DGKI: variants seen among roughly 807,000 people sequenced by gnomAD.
DGKI encodes DAG kinase iota.
DGKI carries 55 observed loss-of-function variants against 147.5 expected under a neutral mutation model. The ratio of observed to expected loss-of-function variants is 0.37; its 90% CI spans 0.30 to 0.47. DGKI has a LOEUF of 0.47. Among genes scored for constraint, DGKI ranks in the 20% least tolerant of loss-of-function variants. DGKI has a pLI of 1.00. For missense variants in DGKI, 1,007 were observed against 1,323.8 expected, an observed-to-expected ratio of 0.76 and a Z score of 3.71; for synonymous variants, 469 against 477.1, an observed-to-expected ratio of 0.98 and a Z score of 0.22.
chr7:137,689,187 C>T (rs1823522909), intron 2 of DGKI, among the ~76,000 whole-genome samples: 1 of 152,184 alleles, frequency 6.6e-6, no homozygotes. Context: ...GGCAGAACTT[C>T]AGGGAAGCCC....
intron 1 of DGKI, among the ~76,000 whole-genome samples, chr7:137,756,614 A>G (rs771936976): frequency 1.8e-4 from 28 of 152,260 alleles, no homozygotes; most frequent in Non-Finnish European, 3.4e-4. Flanking sequence ...AAACTTAGCT[A>G]GTAAACCTAG....
intron 6 of DGKI, among the ~76,000 whole-genome samples, chr7:137,642,165 C>G (rs1662785857): frequency 6.6e-6 from 1 of 152,228 alleles, no homozygotes; most frequent in African/African-American, 2.4e-5. Context: ...CTTCTCTACT[C>G]AATGACTCAT....
At chr7:137,702,344 A>C (rs1824012274) in intron 1 of DGKI, among the ~76,000 whole-genome samples, 1 of 152,190 alleles carries the variant, frequency 6.6e-6, no homozygotes, top group Non-Finnish European at 1.5e-5. Context: ...GAAGTAAAAG[A>C]CATGTCAAGC....
In DGKI at chr7:137,689,916, G is replaced by A; in HGVS notation, c.488C>T (p.Pro163Leu). The change falls in exon 2 of 33, where the codon CCC (proline) becomes CTC (leucine). Residue 163 changes from proline (P) to leucine (L), a missense_variant. Around this residue, in one of 5 missense-constraint regions of DGKI, gnomAD observed 259 missense variants for 362.5 expected, o/e 0.71. Coordinates refer to ENST00000614521, the MANE Select transcript of DGKI (RefSeq NM_001321708.2). ...LPVANGPAKE[P>L]RATLDWSENA... Reference sequence around the variant, plus strand: ...TACACTCCAGTCCAAAGTCGCTCTGGGCTCCTTGGCTGGACCATTTGCCAC... The same window carrying A: ...TACACTCCAGTCCAAAGTCGCTCTGAGCTCCTTGGCTGGACCATTTGCCAC... 2 of 1,601,484 alleles carry A rather than the reference G, an allele frequency of 1.2e-6. No individual in the cohort carries two copies. Among genetic ancestry groups the A allele is most frequent in the Non-Finnish European group, 1.7e-6 (2 of 1,174,598 alleles).
In DGKI at chr7:137,572,743, A is replaced by T. The variant is rs752791405; in HGVS notation, c.1835+22T>A. On this transcript the variant is annotated intron_variant, in intron 18 of 32. Transcript: ENST00000614521. ...AGTCAGAGTTCACGTCAAACCAAGG[A>T]AACAATACAAACAGAGCCTACCTGG... 1.9e-6 allele frequency: 3 copies of T among 1,542,420 alleles called. No homozygotes were observed. In the African/African-American group the frequency reaches 4.2e-5, roughly 21 times the overall value.
At chr7:137,789,149 T>C (rs1796768697) in intron 1 of DGKI, among the ~76,000 whole-genome samples, 1 of 152,150 alleles carries the variant, frequency 6.6e-6, no homozygotes, top group Non-Finnish European at 1.5e-5. Context: ...GGTAGAAAAC[T>C]GGGTATCCCC....
At chr7:137,516,210 T>C (rs947271558) in intron 21 of DGKI, among the ~76,000 whole-genome samples, 17 of 152,170 alleles carry the variant, frequency 1.1e-4, no homozygotes, top group Admixed American at 2.6e-4. Flanking sequence ...CTAATGCTTA[T>C]ACTCATTATG....
At chr7:137,723,985 G>A (rs1004841579) in intron 1 of DGKI, among the ~76,000 whole-genome samples, 5 of 152,066 alleles carry the variant, frequency 3.3e-5, no homozygotes, top group African/African-American at 1.2e-4. Flanking sequence ...TGGGATTATA[G>A]GGGTGAGCCA....
rs1252181960 is a variant in DGKI, at chr7:137,387,929, G to C, written c.*3291C>G. 2 of 152,094 alleles carry C rather than the reference G, an allele frequency of 1.3e-5. No individual in the cohort carries two copies. The highest frequency in any genetic ancestry group is 2.9e-5 in the Non-Finnish European group (2 of 68,010). 9.4% of individuals were successfully genotyped at this position (152,094 alleles called of 1,614,324 possible). On this transcript the variant is annotated 3_prime_UTR_variant, in exon 33 of 33. Coordinates refer to ENST00000614521, the MANE Select transcript of DGKI (RefSeq NM_001321708.2). ...CGTTAGGCAAAGGGACTCTCACTAG[G>C]TCCAGATGAAAATGAAGTGATGTTG...
chr7:137,397,309 T>C, intron 31 of DGKI, 68 bp downstream of exon 31: 1 of 1,458,590 alleles, frequency 6.9e-7, no homozygotes, highest in Non-Finnish European at 9.5e-7. Context: ...GCTCTATAGA[T>C]TACATTCTTC....
At chr7:137,781,857 C>T (rs1022707938) in intron 1 of DGKI, among the ~76,000 whole-genome samples, 29 of 152,160 alleles carry the variant, frequency 1.9e-4, no homozygotes, top group African/African-American at 6.8e-4. Context: ...TGGCATCCTA[C>T]GAGTTGAGCA....
chr7:137,576,390 T>A (rs1056884973), intron 17 of DGKI, among the ~76,000 whole-genome samples: 1 of 152,178 alleles, frequency 6.6e-6, no homozygotes, highest in African/African-American at 2.4e-5. Context: ...CATTGATAAA[T>A]TCAAACATTG....
intron 28 of DGKI, among the ~76,000 whole-genome samples, chr7:137,426,547 C>T (rs1275389903): frequency 6.6e-6 from 1 of 152,148 alleles, no homozygotes; most frequent in African/African-American, 2.4e-5. Context: ...TCACACATAA[C>T]AACATTAACT....
intron 24 of DGKI, among the ~76,000 whole-genome samples, chr7:137,469,198 AG>A (rs2128928029): frequency 6.6e-6 from 1 of 152,366 alleles, no homozygotes; most frequent in South Asian, 2.1e-4. Flanking sequence ...CAAATAACAT[AG>A]AAATTATATC....
intron 1 of DGKI, chr7:137,722,196 G>T: frequency 6.2e-7 from 1 of 1,601,242 alleles, no homozygotes; most frequent in South Asian, 1.1e-5. Flanking sequence ...CCATGTACAA[G>T]AGGAAGTACT....
At chr7:137,615,535 G>A (rs1301236285) in intron 8 of DGKI, among the ~76,000 whole-genome samples, 4 of 135,584 alleles carry the variant, frequency 3.0e-5, no homozygotes, top group East Asian at 2.2e-4. Context: ...GTATGTATGT[G>A]TGTGTGTGTG....
intron 6 of DGKI, among the ~76,000 whole-genome samples, chr7:137,627,854 A>G (rs973426073): frequency 1.3e-5 from 2 of 152,214 alleles, no homozygotes; most frequent in Admixed American, 6.5e-5. Context: ...TTGTTGGCTG[A>G]GTGATCTTAG....
intron 23 of DGKI, among the ~76,000 whole-genome samples, chr7:137,475,786 T>C (rs1201840018): frequency 6.6e-6 from 1 of 152,178 alleles, no homozygotes; most frequent in Non-Finnish European, 1.5e-5. Flanking sequence ...TTTCAACTTC[T>C]TTTCCCAATG....
intron 27 of DGKI, among the ~76,000 whole-genome samples, chr7:137,461,738 A>G (rs1301560359): frequency 6.6e-6 from 1 of 152,016 alleles, no homozygotes; most frequent in Admixed American, 6.5e-5. Context: ...GCTTGTTTTC[A>G]AAGTAATTTT....
Sources: gnomAD v4.1 joint callset for allele counts (sites outside exome capture counted in the v4.1 genomes callset) on GRCh38, gnomAD v4.1.1 for gene constraint, gnomAD v4.1.1 regional missense constraint, MANE v1.5 for transcripts, NCBI Gene and HGNC (gene_info 2026-07-23, HGNC 2026-07-21) for gene names.